Variants in TBL1Y observed in about 807,000 individuals in gnomAD.
TBL1Y encodes the protein F-box-like/WD repeat-containing protein TBL1Y.
Under a neutral mutation model 12.0 loss-of-function variants are expected in TBL1Y, and 15 were observed. The observed-to-expected ratio is 1.25, with a 90% CI of 0.83 to 1.92. TBL1Y has a LOEUF of 1.92. Ranked by LOEUF, TBL1Y falls within the 40% of genes most tolerant of loss-of-function variation. The probability of loss-of-function intolerance (pLI) is 0.00; values close to 1 mark genes in which losing one functional copy is unlikely to be tolerated. For missense variants in TBL1Y, 148 were observed against 116.7 expected, an observed-to-expected ratio of 1.27 and a Z score of -1.24; for synonymous variants, 53 against 42.6, an observed-to-expected ratio of 1.24 and a Z score of -0.95.
intron 12 of TBL1Y, among the ~76,000 whole-genome samples, chrY:7,073,257 A>G: frequency 6.0e-5 from 2 of 33,523 alleles, no homozygotes; most frequent in African/African-American, 2.3e-4. Context: ...GTACACAGTC[A>G]CACTCCTTTG....
chrY:7,070,943 C>T, intron 10 of TBL1Y, 82 bp downstream of exon 10: 1 of 339,264 alleles, frequency 2.9e-6, no homozygotes, highest in Non-Finnish European at 4.1e-6. Context: ...GGAATGTGTG[C>T]AGACATAGGA....
rs928387697 is a variant in TBL1Y, at chrY:7,063,914, C to T, written c.222C>T (p.Asp74=). 2 of 395,692 alleles carry T rather than the reference C, an allele frequency of 5.1e-6. No individual in the cohort carries two copies. Among genetic ancestry groups the T allele is most frequent in the Non-Finnish European group, 3.5e-6 (1 of 282,951 alleles). ...TTCCCCAGGATGGCACAGTGTTCGA[C>T]AGCCGCCCTATAGAGTCCCTGTCCC... The part of the protein sequence containing the change: ...ISINKDGTVF[D]SRPIESLSLI... Residue 74 remains aspartate, a synonymous_variant, in exon 8 of 19, where the codon GAC becomes GAT. Coordinates refer to ENST00000383032, the MANE Select transcript of TBL1Y (RefSeq NM_033284.2).
intron 3 of TBL1Y, among the ~76,000 whole-genome samples, chrY:6,993,723 C>T (rs2012391024): frequency 3.1e-5 from 1 of 32,016 alleles, no homozygotes; most frequent in Non-Finnish European, 7.5e-5. Context: ...GATGGAGGCT[C>T]AGAAGGCTTT....
chrY:6,985,604 C>T, intron 3 of TBL1Y, among the ~76,000 whole-genome samples: 1 of 32,882 alleles, frequency 3.0e-5, no homozygotes, highest in Non-Finnish European at 7.5e-5. Flanking sequence ...GACTTGCCTC[C>T]GTATCTGTGA....
intron 3 of TBL1Y, among the ~76,000 whole-genome samples, chrY:6,990,715 C>T: frequency 3.3e-5 from 1 of 30,644 alleles, no homozygotes; most frequent in Non-Finnish European, 7.8e-5. Flanking sequence ...CCCACCACCA[C>T]GCCTGGCTAA....
Position 7,090,152 on chromosome Y carries a change from C to T in TBL1Y, c.1510C>T (p.Arg504Ter). The change falls in exon 18 of 19, where the codon CGA becomes TGA. Residue 504 changes from arginine (R) to a stop codon, truncating the protein, a stop_gained. Coordinates refer to ENST00000383032, the MANE Select transcript of TBL1Y (RefSeq NM_033284.2). LOFTEE classifies it high-confidence loss of function. ...GGIFEVCWNA[R>*]GDKVGASASD... is the part of the protein sequence containing the mutation. ...TATCTTCGAGGTGTGCTGGAACGCC[C>T]GAGGAGATAAAGTGGGCGCCAGCGC... 2.5e-6 allele frequency: 1 copy of T among 398,149 alleles called. No individual in the cohort carries two copies. The highest frequency in any genetic ancestry group is 3.5e-6 in the Non-Finnish European group (1 of 283,247).
intron 2 of TBL1Y, among the ~76,000 whole-genome samples, chrY:6,923,380 A>G (rs764281955): frequency 3.0e-5 from 1 of 33,712 alleles, no homozygotes; most frequent in South Asian, 6.7e-4. Context: ...AATGGGCAGT[A>G]TTATTCAATG....
chrY:7,085,179 CACACACACACACACACAG>C (rs2013120078), intron 14 of TBL1Y, among the ~76,000 whole-genome samples: 20 of 29,744 alleles, frequency 6.7e-4, no homozygotes, highest in Middle Eastern at 0.015. Context: ...CACACACACA[CACACACACACACACACAG>C]ACACACACAC....
At chrY:6,914,803 T>A (rs2011723825) in intron 2 of TBL1Y, among the ~76,000 whole-genome samples, 1 of 33,582 alleles carries the variant, frequency 3.0e-5, no homozygotes, top group Non-Finnish European at 7.4e-5. Flanking sequence ...TGAAAATAAC[T>A]CACAGGTGGG....
At chrY:7,033,874 A>T in intron 6 of TBL1Y, among the ~76,000 whole-genome samples, 1 of 33,619 alleles carries the variant, frequency 3.0e-5, no homozygotes, top group African/African-American at 1.2e-4. Context: ...AGCCAATATC[A>T]TACTGAATGG....
At chrY:7,028,486 A>G in intron 6 of TBL1Y, among the ~76,000 whole-genome samples, 1 of 33,917 alleles carries the variant, frequency 2.9e-5, no homozygotes, top group Non-Finnish European at 7.3e-5. Flanking sequence ...AACCATGTAT[A>G]TTTCCTAACC....
At chrY:6,997,521 CATTT>C (rs2012419946) in intron 4 of TBL1Y, among the ~76,000 whole-genome samples, 1 of 33,688 alleles carries the variant, frequency 3.0e-5, no homozygotes, top group African/African-American at 1.2e-4. Context: ...GAAAAAATGT[CATTT>C]ATTCCATTTA....
At chrY:6,926,088 G>A (rs771391278) in intron 2 of TBL1Y, among the ~76,000 whole-genome samples, 229 of 34,109 alleles carry the variant, frequency 6.7e-3, no homozygotes, top group Admixed American at 0.017. Flanking sequence ...ATGCCCTCTG[G>A]CAGGTGCACA....
chrY:7,041,752 C>CA (rs2012722607), intron 6 of TBL1Y, among the ~76,000 whole-genome samples: 1 of 32,832 alleles, frequency 3.0e-5, no homozygotes, highest in Non-Finnish European at 7.5e-5. Context: ...CTAGACTTGC[C>CA]GGCAGTAGGA....
rs200677366 is a variant in TBL1Y, at chrY:7,080,748, G to A, written c.972G>A (p.Val324=). 7 of 396,829 alleles carry A rather than the reference G, an allele frequency of 1.8e-5. No homozygotes were observed. The highest frequency in any genetic ancestry group is 2.1e-5 in the Non-Finnish European group (6 of 283,200). ...CTGCTGCAGCCCCCGCCCTTGATGT[G>A]GACTGGCAGAACAACATGACCTTTG... The part of the protein sequence containing the change: ...FPFHSAPALD[V]DWQNNMTFAS... Residue 324 remains valine (V), a synonymous_variant, in exon 14 of 19, where the codon GTG becomes GTA. Transcript: ENST00000383032.
chrY:7,076,930 A>G (rs2013065624), intron 13 of TBL1Y, among the ~76,000 whole-genome samples: 1 of 23,409 alleles, frequency 4.3e-5, no homozygotes, highest in South Asian at 1.1e-3. Flanking sequence ...AAAAAAAAAA[A>G]GAGAGAGAGA....
intron 6 of TBL1Y, among the ~76,000 whole-genome samples, chrY:7,032,424 C>G (rs770759338): frequency 6.0e-5 from 2 of 33,268 alleles, no homozygotes; most frequent in South Asian, 1.3e-3. Context: ...GAGAGAACCA[C>G]AGGAATTACA....
At chrY:7,040,951 G>A in intron 6 of TBL1Y, among the ~76,000 whole-genome samples, 1 of 34,451 alleles carries the variant, frequency 2.9e-5, no homozygotes, top group Non-Finnish European at 7.2e-5. Flanking sequence ...GAATGCATGA[G>A]TGAGACTGGA....
At chrY:6,960,277 T>C in intron 2 of TBL1Y, among the ~76,000 whole-genome samples, 2 of 33,788 alleles carry the variant, frequency 5.9e-5, no homozygotes, top group Non-Finnish European at 1.5e-4. Flanking sequence ...GGGAATCTGG[T>C]TTAATAACTA....
Sources: allele counts gnomAD v4.1 joint callset (sites outside exome capture counted in the v4.1 genomes callset), GRCh38; gene constraint gnomAD v4.1.1; transcripts MANE v1.5; gene names NCBI Gene and HGNC (gene_info 2026-07-23, HGNC 2026-07-21).